The following PHLDB1 variants were observed in gnomAD, a reference collection of about 807,000 sequenced individuals.
PHLDB1 encodes pleckstrin homology-like domain family B member 1.
Under a neutral mutation model 139.3 loss-of-function variants are expected in PHLDB1, and 65 were observed. The observed-to-expected ratio is 0.47, with a 90% CI of 0.38 to 0.57. PHLDB1 has a LOEUF of 0.57. Ranked by LOEUF, PHLDB1 falls within the 20% of genes least tolerant of loss-of-function variation. PHLDB1 has a pLI of 0.00. For missense variants in PHLDB1, 1,624 were observed against 1,839.7 expected (o/e 0.88, Z 2.14); for synonymous variants, 679 against 734.5 (o/e 0.92, Z 1.22).
rs368097358 is a variant in PHLDB1 at position 118,639,180 on chromosome 11, G to A, written c.2665G>A (p.Val889Met). Reference protein sequence around the residue: ...LLQKEKEKLTVLERRYHSLTG... With the variant: ...LLQKEKEKLTMLERRYHSLTG... Reference sequence around the variant, plus strand: ...CTCGCAGGAGAAGGAGAAGCTGACTGTGCTGGAAAGGAGATACCACTCACT... The same window carrying A: ...CTCGCAGGAGAAGGAGAAGCTGACTATGCTGGAAAGGAGATACCACTCACT... Residue 889 changes from valine to methionine, a missense_variant, in exon 12 of 23, where the codon GTG becomes ATG. By Grantham distance (21) the Val-to-Met change is conservative. Coordinates refer to ENST00000600882, the MANE Select transcript of PHLDB1 (RefSeq NM_001144758.3). 27 of 1,614,138 alleles carry A rather than the reference G, an allele frequency of 1.7e-5. No homozygotes were observed. The highest frequency in any genetic ancestry group is 4.0e-5 in the African/African-American group (3 of 75,032).
rs148657742 is a variant in PHLDB1 at position 118,645,901 on chromosome 11, T to C, written c.3507+76T>C. On this transcript the variant is annotated intron_variant, in intron 17 of 22. Coordinates refer to ENST00000600882, the MANE Select transcript of PHLDB1 (RefSeq NM_001144758.3). This position sits in a 1 kb window ranked among gnomAD's most constrained non-coding sequence, Gnocchi z 5.1. ...CCTACTGCATGTCAAGGGCCTGTGC[T>C]CCACCCCAAGCCCTTCCACCCACAT... 3,111 of 929,806 alleles carry C rather than the reference T, an allele frequency of 3.3e-3. 15 individuals are homozygous for C. The highest frequency in any genetic ancestry group is 5.4e-3 in the South Asian group (417 of 77,144). 57.6% of individuals were successfully genotyped at this position (929,806 alleles called of 1,614,324 possible).
At chr11:118,630,031 T>A in intron 6 of PHLDB1, 2 of 737,244 alleles carry the variant, frequency 2.7e-6, no homozygotes, top group Non-Finnish European at 3.7e-6. Context: ...TGTTCCGGTT[T>A]TTTTTTTTTT....
chr11:118,646,214 C>T lies in PHLDB1; in HGVS notation c.3507+389C>T, dbSNP rs187523265. 6.2e-3 allele frequency: 955 copies of T among 153,372 alleles called. 18 individuals carry two copies. Among genetic ancestry groups the T allele is most frequent in the African/African-American group, 0.023 (877 of 37,700 alleles). 9.5% of individuals were successfully genotyped at this position (153,372 alleles called of 1,614,324 possible). A position where few individuals can be genotyped will look rare whatever the true frequency, so the allele number is the denominator to read the frequency against. On this transcript the variant is annotated intron_variant, in intron 17 of 22. Coordinates refer to ENST00000600882, the MANE Select transcript of PHLDB1 (RefSeq NM_001144758.3). ...GGCGGAGGTTGCAGTAAGCCGAGAT[C>T]GCACCACTGCACTCCAGCCTGGGAG...
intron 12 of PHLDB1, chr11:118,641,945 C>A: frequency 1.9e-6 from 1 of 536,226 alleles, no homozygotes; most frequent in Admixed American, 3.1e-5. Flanking sequence ...TGGTGTAGCA[C>A]ATGTCTGTGG....
chr11:118,613,736 G>A, intron 1 of PHLDB1, 80 bp from the exon 2 acceptor site: 1 of 836,458 alleles, frequency 1.2e-6, no homozygotes, highest in South Asian at 1.5e-5. Flanking sequence ...CCTCTGCCCT[G>A]AGAACCCTGC....
At position 118,620,844 on chromosome 11, in the gene PHLDB1, CTTGTTACAGT is replaced by C. The variant is rs1942626647; in HGVS notation, c.356-4089_356-4080del. On this transcript the variant is annotated intron_variant, in intron 4 of 22. Coordinates refer to ENST00000600882, the MANE Select transcript of PHLDB1 (RefSeq NM_001144758.3). The surrounding 1 kb of genome is among the most constrained non-coding windows in gnomAD (Gnocchi z 4.1). ...GCCTGAACTCCCAGCCCAGGGTGAC[CTTGTTACAGT>C]GGCAGCCTGAGGGCCAGAGCAGGAC... is the stretch of plus-strand genomic sequence containing the variant. 6.6e-6 allele frequency among the ~76,000 whole-genome samples: 1 copy of C among 152,144 alleles called. No individual in the cohort carries two copies.
At chr11:118,646,902 A>T (rs546160527) in intron 17 of PHLDB1, 1 of 152,340 alleles carries the variant, frequency 6.6e-6, no homozygotes, top group South Asian at 2.1e-4. Context: ...GAATATGGCA[A>T]ATGTATAAGC....
At position 118,631,916 on chromosome 11, in the gene PHLDB1, G is replaced by C. The variant is rs781880095; in HGVS notation, c.2104G>C (p.Glu702Gln). ...TGATAGCTTCCCTCCCCTCCAGCACGAAGATGCACCTAGCACCAAGCTCCA... is the reference window on the plus strand; with the variant it reads ...TGATAGCTTCCCTCCCCTCCAGCACCAAGATGCACCTAGCACCAAGCTCCA... ...SSTESTQQEHEDAPSTKLQGE... is the reference protein window; with the variant it reads ...SSTESTQQEHQDAPSTKLQGE... Residue 702 changes from glutamate to glutamine, a missense_variant, in exon 8 of 23, where the codon GAA becomes CAA. Transcript: ENST00000600882. 4 of 1,607,690 alleles carry C rather than the reference G, an allele frequency of 2.5e-6. No individual in the cohort carries two copies. In the African/African-American group the frequency reaches 5.4e-5, roughly 22 times the overall value.
intron 5 of PHLDB1, 25 bp from the exon 6 acceptor site, chr11:118,627,280 C>T (rs781950488): frequency 6.2e-7 from 1 of 1,611,186 alleles, no homozygotes; most frequent in East Asian, 2.2e-5. Flanking sequence ...TCCCTAAAGT[C>T]AAAGACCTTT....
In PHLDB1 at chr11:118,645,557, C is replaced by G; in HGVS notation, c.3323C>G (p.Ala1108Gly). The change falls in exon 16 of 23, where the codon GCC (alanine) becomes GGC (glycine). Residue 1108 changes from alanine (A) to glycine (G), a missense_variant. Coordinates refer to ENST00000600882, the MANE Select transcript of PHLDB1 (RefSeq NM_001144758.3). This position sits in a 1 kb window ranked among gnomAD's most constrained non-coding sequence, Gnocchi z 5.1. ...GRERGEEGEH[A>G]YDTLSLESSD... Reference sequence around the variant, plus strand: ...GAGCGTGGGGAGGAGGGTGAGCACGCCTATGATACGCTGAGTCTGGAGAGC... The same window carrying G: ...GAGCGTGGGGAGGAGGGTGAGCACGGCTATGATACGCTGAGTCTGGAGAGC... 1 of 1,613,738 alleles carries G rather than the reference C, an allele frequency of 6.2e-7. No homozygotes were observed.
intron 2 of PHLDB1, 50 bp from the exon 3 acceptor site, chr11:118,614,509 G>C: frequency 6.2e-7 from 1 of 1,605,566 alleles, no homozygotes; most frequent in Non-Finnish European, 8.5e-7. Context: ...GTTTAGGGTG[G>C]TAAGGTGCTG....
chr11:118,635,067 C>T (rs1555114279), intron 9 of PHLDB1: 2 of 504,782 alleles, frequency 4.0e-6, no homozygotes, highest in Non-Finnish European at 7.6e-6. Context: ...TTCCACCGCC[C>T]CCCCTCCCCC....
Position 118,657,057 on chromosome 11 carries a change from C to T in PHLDB1, c.*234C>T. On this transcript the variant is annotated 3_prime_UTR_variant, in exon 23 of 23. Coordinates refer to ENST00000600882, the MANE Select transcript of PHLDB1 (RefSeq NM_001144758.3). Reference sequence around the variant, plus strand: ...TGAGGAGCTGTCACAGAGAGGGCCTCAGCTCTGACCTGACACCTGCTCTCC... The same window carrying T: ...TGAGGAGCTGTCACAGAGAGGGCCTTAGCTCTGACCTGACACCTGCTCTCC... 1 of 423,978 alleles carries T rather than the reference C, an allele frequency of 2.4e-6. No individual in the cohort carries two copies. Among genetic ancestry groups the T allele is most frequent in the Non-Finnish European group, 4.2e-6 (1 of 237,020 alleles). The allele number at this position is 423,978 out of a possible 1,614,324, so 26.3% of individuals were successfully genotyped here.
chr11:118,632,420 T>A lies in PHLDB1; in HGVS notation c.2379+124T>A, dbSNP rs1944954201. The A allele has an allele frequency of 1.0e-6, 1 of 1,004,300 alleles. No individual in the cohort carries two copies. The highest frequency in any genetic ancestry group is 1.5e-6 in the Non-Finnish European group (1 of 672,520). 62.2% of individuals were successfully genotyped at this position (1,004,300 alleles called of 1,614,324 possible). A position where few individuals can be genotyped will look rare whatever the true frequency, so the allele number is the denominator to read the frequency against. ...CATTCTGCAGTACAAGTGGTCTCTG[T>A]GGCTTTCCAGAGACAGAGTGACTTC... is the stretch of plus-strand genomic sequence containing the variant. On this transcript the variant is annotated intron_variant, in intron 9 of 22. Coordinates refer to ENST00000600882, the MANE Select transcript of PHLDB1 (RefSeq NM_001144758.3). This position sits in a 1 kb window ranked among gnomAD's most constrained non-coding sequence, Gnocchi z 5.9.
chr11:118,638,356 A>T (rs927506296), intron 10 of PHLDB1, among the ~76,000 whole-genome samples: 4 of 152,240 alleles, frequency 2.6e-5, no homozygotes, highest in African/African-American at 4.8e-5. Context: ...GTGGATTTTT[A>T]AAAAATTATT....
Position 118,650,943 on chromosome 11 carries a change from G to A in PHLDB1, c.3874+396G>A, listed in dbSNP as rs545081113. On this transcript the variant is annotated intron_variant, in intron 20 of 22. Transcript: ENST00000600882. The surrounding 1 kb of genome is among the most constrained non-coding windows in gnomAD (Gnocchi z 4.7). ...GGGGTCTTATGGTCAGAGTTGGGCT[G>A]GGAACTCCCCCTTGGACAAATTCCA... is the stretch of plus-strand genomic sequence containing the variant. 3.7e-4 allele frequency: 80 copies of A among 218,924 alleles called. No homozygotes were observed. Among genetic ancestry groups the A allele is most frequent in the Non-Finnish European group, 7.1e-4 (77 of 108,710 alleles). 13.6% of individuals were successfully genotyped at this position (218,924 alleles called of 1,614,324 possible). A position where few individuals can be genotyped will look rare whatever the true frequency, so the allele number is the denominator to read the frequency against.
In PHLDB1 at chr11:118,650,378, C is replaced by A; in HGVS notation, c.3772-67C>A. The A allele has an allele frequency of 1.1e-5, 13 of 1,131,208 alleles. No homozygotes were observed. The highest frequency in any genetic ancestry group is 1.8e-5 in the Non-Finnish European group (13 of 739,442). The allele number at this position is 1,131,208 out of a possible 1,614,324, so 70.1% of individuals were successfully genotyped here. A position where few individuals can be genotyped will look rare whatever the true frequency, so the allele number is the denominator to read the frequency against. ...AATCCCCCATGAATACAGGCACAGG[C>A]GATGGCACACACTTAAGGCTTAAGG... is the stretch of plus-strand genomic sequence containing the variant. On this transcript the variant is annotated intron_variant, in intron 19 of 22. Coordinates refer to ENST00000600882, the MANE Select transcript of PHLDB1 (RefSeq NM_001144758.3). This position sits in a 1 kb window ranked among gnomAD's most constrained non-coding sequence, Gnocchi z 4.7.
Position 118,610,568 on chromosome 11 carries a change from C to A in PHLDB1, c.-22+2869C>A. The A allele has an allele frequency of 2.6e-6, 2 of 774,566 alleles. No homozygotes were observed. The highest frequency in any genetic ancestry group is 1.6e-6 in the Non-Finnish European group (1 of 636,882). 48.0% of individuals were successfully genotyped at this position (774,566 alleles called of 1,614,324 possible). A position where few individuals can be genotyped will look rare whatever the true frequency, so the allele number is the denominator to read the frequency against. On this transcript the variant is annotated intron_variant, in intron 1 of 22. Transcript: ENST00000600882. This position sits in a 1 kb window ranked among gnomAD's most constrained non-coding sequence, Gnocchi z 8.7. ...CGCGGGGCTCCGGGGAGCGCCCGAG[C>A]AGTGGCCCCGCGAAGGGCCGGGTCT...
In PHLDB1 at chr11:118,655,858, A is replaced by G. The variant is rs781930346; in HGVS notation, c.3961-2A>G. The stretch of plus-strand genomic sequence containing the variant: ...CTTCCTTTCTCCCTCTCCCCTTCCC[A>G]GAAGAGGTTTTTCCGCTTCACTATG... On this transcript the variant is annotated splice_acceptor_variant, in intron 21 of 22. Transcript: ENST00000600882. LOFTEE classifies it high-confidence loss of function. 2.5e-6 allele frequency: 4 copies of G among 1,611,896 alleles called. No homozygotes were observed. Among genetic ancestry groups the G allele is most frequent in the Admixed American group, 3.3e-5 (2 of 59,984 alleles).
Sources: gnomAD v4.1 joint callset for allele counts (sites outside exome capture counted in the v4.1 genomes callset) on GRCh38, gnomAD v4.1.1 for gene constraint, Gnocchi (gnomAD v3.1) non-coding constraint, MANE v1.5 for transcripts, NCBI Gene and HGNC (gene_info 2026-07-23, HGNC 2026-07-21) for gene names.